Variants in NF1 observed in about 807,000 individuals in gnomAD.
NF1 encodes neurofibromin.
Under a neutral mutation model 325.7 loss-of-function variants are expected in NF1, and 122 were observed. That is an observed-to-expected ratio of 0.37 (90% confidence interval 0.32 to 0.44). NF1 has a LOEUF of 0.44. Ranked by LOEUF, NF1 falls within the 20% of genes least tolerant of loss-of-function variation. The pLI, the probability that NF1 is intolerant of heterozygous loss-of-function variation, is 1.00. For synonymous variants in NF1, 1,091 were observed against 1,186.0 expected (o/e 0.92, Z 1.65); for missense variants, 2,140 against 3,415.4 (o/e 0.63, Z 9.31).
At chr17:31,283,005 A>G (rs117480455) in intron 36 of NF1, among the ~76,000 whole-genome samples, 10 of 152,346 alleles carry the variant, frequency 6.6e-5, no homozygotes, top group Non-Finnish European at 1.3e-4. Flanking sequence ...CTGTTTAACA[A>G]TGACCATCTT....
intron 1 of NF1, among the ~76,000 whole-genome samples, chr17:31,097,985 G>A (rs1176442912): frequency 6.6e-6 from 1 of 152,010 alleles, no homozygotes; most frequent in Non-Finnish European, 1.5e-5. Flanking sequence ...GGGATTACAG[G>A]CATGAGCCAC....
chr17:31,277,941 G>A (rs1043963236), intron 36 of NF1, among the ~76,000 whole-genome samples: 3 of 152,078 alleles, frequency 2.0e-5, no homozygotes, highest in Non-Finnish European at 4.4e-5. Flanking sequence ...AACCTTAATT[G>A]CTACAAGCTG....
intron 36 of NF1, chr17:31,319,164 C>A: frequency 1.2e-6 from 1 of 862,828 alleles, no homozygotes; most frequent in Non-Finnish European, 1.8e-6. Flanking sequence ...TGAATTCCTT[C>A]TCAACTAAAT....
chr17:31,291,203 C>T (rs978258597), intron 36 of NF1, among the ~76,000 whole-genome samples: 13 of 152,104 alleles, frequency 8.5e-5, no homozygotes, highest in East Asian at 1.9e-4. Flanking sequence ...CACCAAAGTC[C>T]TCTGTACCTT....
At chr17:31,345,671 T>C in intron 48 of NF1, 4 of 1,614,218 alleles carry the variant, frequency 2.5e-6, no homozygotes, top group East Asian at 2.2e-5. Context: ...CCGAAGTTGG[T>C]GAGATGGCAA....
intron 38 of NF1, 71 bp from the exon 39 acceptor site, chr17:31,330,225 T>C (rs1357104503): frequency 8.1e-7 from 1 of 1,240,752 alleles, no homozygotes; most frequent in Non-Finnish European, 1.2e-6. Context: ...ACAAATTGTA[T>C]GTTATGAAAA....
chr17:31,238,032 C>G (rs1241756080), intron 29 of NF1, among the ~76,000 whole-genome samples: 1 of 110,256 alleles, frequency 9.1e-6, no homozygotes, highest in Admixed American at 8.6e-5. Context: ...ACTGGAGAGA[C>G]AGGTAAATGT....
In NF1 at chr17:31,360,692, A is replaced by G. The variant is rs1454723879; in HGVS notation, c.8366A>G (p.Gln2789Arg). The G allele has an allele frequency of 6.2e-7, 1 of 1,612,226 alleles. No individual in the cohort carries two copies. Among genetic ancestry groups the G allele is most frequent in the Non-Finnish European group, 8.5e-7 (1 of 1,178,298 alleles). The change falls in exon 57 of 58, where the codon CAG becomes CGG. Residue 2789 changes from glutamine (Q) to arginine (R), a missense_variant. Coordinates refer to ENST00000358273, the MANE Select transcript of NF1 (RefSeq NM_001042492.3). ...SNSMTSLATS[Q>R]HSPGIDKENV... is the part of the protein sequence containing the mutation. Reference sequence around the variant, plus strand: ...TCCATGACCTCACTTGCAACTTCCCAGCATTCCCCAGGTCAGTAAATGTGA... The same window carrying G: ...TCCATGACCTCACTTGCAACTTCCCGGCATTCCCCAGGTCAGTAAATGTGA...
rs56180844 is a variant in NF1 at position 31,108,262 on chromosome 17, GTTTTTTTTTTTTTT to G, written c.60+12908_60+12921del. ...AAAGTTTCCAACATAAAAGTAGAGA[GTTTTTTTTTTTTTT>G]TTTTTTTTTTTTTTCTGAGACAGAG... On this transcript the variant is annotated intron_variant, in intron 1 of 57. Coordinates refer to ENST00000358273, the MANE Select transcript of NF1 (RefSeq NM_001042492.3). Among the ~76,000 whole-genome samples the G allele has an allele frequency of 1.2e-3, 103 of 82,536 alleles. 1 individual carries two copies. Among genetic ancestry groups the G allele is most frequent in the Non-Finnish European group, 1.4e-3 (63 of 46,404 alleles). The allele number at this position is 82,536 out of a possible 152,430, so 54.1% of individuals were successfully genotyped here. A position where few individuals can be genotyped will look rare whatever the true frequency, so the allele number is the denominator to read the frequency against.
intron 1 of NF1, among the ~76,000 whole-genome samples, chr17:31,127,962 C>T (rs1030269079): frequency 6.6e-6 from 1 of 151,140 alleles, no homozygotes. Flanking sequence ...CCTTGCACTT[C>T]TGTTTTGTTT....
chr17:31,210,512 G>C (rs1177322164), intron 12 of NF1, among the ~76,000 whole-genome samples: 1 of 152,122 alleles, frequency 6.6e-6, no homozygotes, highest in African/African-American at 2.4e-5. Flanking sequence ...TTGAACCCGG[G>C]AGGCGGAGGT....
intron 50 of NF1, among the ~76,000 whole-genome samples, chr17:31,351,135 T>G (rs1019802530): frequency 2.0e-5 from 3 of 152,204 alleles, no homozygotes; most frequent in Non-Finnish European, 4.4e-5. Context: ...TAAAATAGTT[T>G]GCCTGTGTTC....
chr17:31,260,655 T>A, intron 34 of NF1, 140 bp downstream of exon 34: 1 of 1,143,374 alleles, frequency 8.7e-7, no homozygotes, highest in Non-Finnish European at 1.3e-6. Context: ...AGATTCTTTT[T>A]TTCAAAAAAA....
Position 31,206,659 on chromosome 17 carries a change from C to G in NF1, c.1392+288C>G, listed in dbSNP as rs2066629344. ...TTTCTGTTTTTAAAGTTTTTTTTCT[C>G]CTTAAAACTTTTGAACAAAAATATT... is the stretch of plus-strand genomic sequence containing the variant. On this transcript the variant is annotated intron_variant, in intron 12 of 57. Coordinates refer to ENST00000358273, the MANE Select transcript of NF1 (RefSeq NM_001042492.3). 2.4e-5 allele frequency among the ~76,000 whole-genome samples: 3 copies of G among 126,418 alleles called. No individual in the cohort carries two copies. In the South Asian group the frequency reaches 8.3e-4, roughly 35 times the overall value. 82.9% of individuals were successfully genotyped at this position (126,418 alleles called of 152,430 possible).
chr17:31,292,244 A>G (rs1269800414), intron 36 of NF1, among the ~76,000 whole-genome samples: 1 of 152,208 alleles, frequency 6.6e-6, no homozygotes, highest in African/African-American at 2.4e-5. Context: ...AGGTATGTGT[A>G]TATCTGTACA....
At chr17:31,253,182 C>G (rs890430307) in intron 31 of NF1, 182 bp downstream of exon 31, 15 of 590,812 alleles carry the variant, frequency 2.5e-5, no homozygotes, top group Middle Eastern at 4.6e-4. Flanking sequence ...TTGAAACATT[C>G]TCTGTGTTCC....
At chr17:31,141,529 A>T (rs1916217144) in intron 1 of NF1, among the ~76,000 whole-genome samples, 1 of 152,192 alleles carries the variant, frequency 6.6e-6, no homozygotes, top group Non-Finnish European at 1.5e-5. Flanking sequence ...TGTTGGGATA[A>T]AGTCTTATTT....
chr17:31,325,214 T>C (rs1313358695), intron 36 of NF1, among the ~76,000 whole-genome samples: 1 of 152,236 alleles, frequency 6.6e-6, no homozygotes, highest in Non-Finnish European at 1.5e-5. Context: ...CCAGTTTGTC[T>C]ATTTCTCAGC....
At chr17:31,368,092 T>C (rs1837368850) in intron 57 of NF1, among the ~76,000 whole-genome samples, 1 of 152,228 alleles carries the variant, frequency 6.6e-6, no homozygotes, top group Admixed American at 6.5e-5. Context: ...AGATTACACC[T>C]AAACAGAAAA....
Sources: allele counts gnomAD v4.1 joint callset (sites outside exome capture counted in the v4.1 genomes callset), GRCh38; gene constraint gnomAD v4.1.1; transcripts MANE v1.5; gene names NCBI Gene and HGNC (gene_info 2026-07-23, HGNC 2026-07-21).